Variants in ZNF420 observed in about 807,000 individuals in gnomAD.
ZNF420 encodes the protein zinc finger protein 420.
Under a neutral mutation model 44.7 loss-of-function variants are expected in ZNF420, and 31 were observed. The observed-to-expected ratio is 0.69, with a 90% CI of 0.52 to 0.94. The LOEUF (loss-of-function observed/expected upper bound fraction) is 0.94. Ranked by LOEUF, ZNF420 falls within the 40% of genes least tolerant of loss-of-function variation. ZNF420 has a pLI of 0.00. For missense variants in ZNF420, 681 were observed against 827.9 expected, an observed-to-expected ratio of 0.82 and a Z score of 2.18; for synonymous variants, 245 against 267.4, an observed-to-expected ratio of 0.92 and a Z score of 0.82.
intron 1 of ZNF420, among the ~76,000 whole-genome samples, chr19:37,060,010 C>T (rs991554060): frequency 6.6e-6 from 1 of 152,104 alleles, no homozygotes; most frequent in African/African-American, 2.4e-5. Flanking sequence ...CGTTGGCGAG[C>T]CTTTTTCTGC....
chr19:37,116,521 C>T (rs746631017), intron 4 of ZNF420, among the ~76,000 whole-genome samples: 2 of 152,178 alleles, frequency 1.3e-5, no homozygotes, highest in African/African-American at 2.4e-5. Flanking sequence ...CAGCTCCCAG[C>T]ATGAACGACG....
intron 4 of ZNF420, among the ~76,000 whole-genome samples, chr19:37,111,921 A>G (rs973171104): frequency 1.3e-5 from 2 of 152,166 alleles, no homozygotes; most frequent in Non-Finnish European, 2.9e-5. Flanking sequence ...TATGGCATTT[A>G]CGGCCCTTAA....
At chr19:37,051,042 G>C (rs1390146705) in intron 1 of ZNF420, among the ~76,000 whole-genome samples, 3 of 152,142 alleles carry the variant, frequency 2.0e-5, no homozygotes, top group Non-Finnish European at 2.9e-5. Flanking sequence ...TGCATATGTT[G>C]AACCAGCCTT....
intron 4 of ZNF420, among the ~76,000 whole-genome samples, chr19:37,105,895 T>G: frequency 6.6e-6 from 1 of 152,234 alleles, no homozygotes; most frequent in East Asian, 1.9e-4. Flanking sequence ...TCCTGAGACT[T>G]TGCTGAAGTT....
At position 37,061,111 on chromosome 19, in the gene ZNF420, C is replaced by G. The variant is rs372315516; in HGVS notation, c.-124-19234C>G. 7.9e-5 allele frequency among the ~76,000 whole-genome samples: 12 copies of G among 152,278 alleles called. No individual in the cohort carries two copies. The South Asian group carries it at 2.5e-3, about 32-fold the overall frequency. ...TGTGCCCCCCTTCCTCCGGAACATG[C>G]CTGGACACCATTGTTTGTTTCGCCA... On this transcript the variant is annotated intron_variant, in intron 1 of 4. Transcript: ENST00000587029.
In ZNF420 at chr19:37,122,657, C is replaced by T. The variant is rs1310258185; in HGVS notation, c.137-4471C>T. 6.6e-5 allele frequency among the ~76,000 whole-genome samples: 10 copies of T among 152,116 alleles called. No homozygotes were observed. In the South Asian group the frequency reaches 8.3e-4, roughly 13 times the overall value. On this transcript the variant is annotated intron_variant, in intron 4 of 4. Coordinates refer to ENST00000337995, the MANE Select transcript of ZNF420 (RefSeq NM_144689.5). ...ATTTTTCACATGGCTTCTGGGGTTCCGTGCTCTCTTAATTTTTCTCCTTCC... is the reference window on the plus strand; with the variant it reads ...ATTTTTCACATGGCTTCTGGGGTTCTGTGCTCTCTTAATTTTTCTCCTTCC...
At chr19:37,025,208 CT>C in intron 1 of ZNF420, 1 of 390,138 alleles carries the variant, frequency 2.6e-6, no homozygotes, top group Non-Finnish European at 4.3e-6. Context: ...TCCCCACACT[CT>C]TTACATTCAT....
intron 4 of ZNF420, among the ~76,000 whole-genome samples, chr19:37,115,322 C>T (rs1305514388): frequency 1.3e-5 from 2 of 152,094 alleles, no homozygotes; most frequent in African/African-American, 2.4e-5. Context: ...GGGACCGGCG[C>T]TCACCATACG....
intron 1 of ZNF420, among the ~76,000 whole-genome samples, chr19:37,062,669 G>T (rs3213840): frequency 2.0e-5 from 3 of 152,040 alleles, no homozygotes; most frequent in Non-Finnish European, 2.9e-5. Context: ...CTTTTGTTGA[G>T]ATTATTGTTA....
At chr19:37,075,986 T>A (rs141887325), upstream of ZNF420, among the ~76,000 whole-genome samples, 1 of 135,590 alleles carries the variant, frequency 7.4e-6, no homozygotes, top group Non-Finnish European at 1.6e-5. Context: ...TCCTGCAGTC[T>A]ACGTTTCTGA....
At chr19:37,094,580 C>G (rs1568453094) in intron 4 of ZNF420, among the ~76,000 whole-genome samples, 1 of 152,054 alleles carries the variant, frequency 6.6e-6, no homozygotes, top group Non-Finnish European at 1.5e-5. Context: ...TTGCATATTG[C>G]TTTGCAATAA....
In ZNF420 at chr19:37,089,134, T is replaced by G. The variant is rs1271385657; in HGVS notation, c.9+7T>G. The G allele has an allele frequency of 1.9e-6, 3 of 1,612,344 alleles. No homozygotes were observed. In the Admixed American group the frequency reaches 5.0e-5, roughly 27 times the overall value. On this transcript the variant is annotated splice_region_variant and intron_variant, in intron 3 of 4. Coordinates refer to ENST00000337995, the MANE Select transcript of ZNF420 (RefSeq NM_144689.5). ...TCTAAAAACCATGGCTCGGGTAAAT[T>G]GGAGTTTCCTTGTGCTCTTTTCACT...
At chr19:37,059,411 A>G (rs933235437) in intron 1 of ZNF420, among the ~76,000 whole-genome samples, 1 of 152,232 alleles carries the variant, frequency 6.6e-6, no homozygotes, top group African/African-American at 2.4e-5. Flanking sequence ...GTTGTCTTAG[A>G]AACCAGTCCC....
chr19:37,031,787 T>C (rs534083865), intron 1 of ZNF420, among the ~76,000 whole-genome samples: 1 of 152,296 alleles, frequency 6.6e-6, no homozygotes, highest in South Asian at 2.1e-4. Flanking sequence ...GCCTAAAGTC[T>C]GATTTTGCCC....
At chr19:37,104,156 G>A (rs1360734540) in intron 4 of ZNF420, among the ~76,000 whole-genome samples, 1 of 97,176 alleles carries the variant, frequency 1.0e-5, no homozygotes, top group Non-Finnish European at 1.9e-5. Context: ...CCCCACAACA[G>A]GCTCCATTGT....
rs552611851 is a variant in ZNF420, at chr19:37,035,362, T to A, written c.-125+27280T>A. 3.3e-5 allele frequency among the ~76,000 whole-genome samples: 5 copies of A among 152,252 alleles called. No homozygotes were observed. In the East Asian group the frequency reaches 7.7e-4, roughly 24 times the overall value. On this transcript the variant is annotated intron_variant, in intron 1 of 4. Coordinates refer to the ZNF420 transcript ENST00000587029. ...AATTTTAATATGCTCAAGTTTATAT[T>A]TTTTTTCCATTTTAAAAATTGAGAT...
At chr19:37,053,001 A>T (rs1227947166) in intron 1 of ZNF420, among the ~76,000 whole-genome samples, 1 of 152,210 alleles carries the variant, frequency 6.6e-6, no homozygotes, top group African/African-American at 2.4e-5. Flanking sequence ...AGGTACACCA[A>T]TAAGACGTAG....
At chr19:37,121,980 T>A (rs966432250) in intron 4 of ZNF420, among the ~76,000 whole-genome samples, 2 of 152,188 alleles carry the variant, frequency 1.3e-5, no homozygotes, top group African/African-American at 2.4e-5. Context: ...CTGGAGAGGA[T>A]GTGGAGAAAT....
chr19:37,029,134 C>A (rs574630540), intron 1 of ZNF420, among the ~76,000 whole-genome samples: 31 of 152,254 alleles, frequency 2.0e-4, no homozygotes, highest in African/African-American at 6.0e-4. Context: ...TCAGAAATAT[C>A]TTTAACTTGC....
Sources: allele counts gnomAD v4.1 joint callset (sites outside exome capture counted in the v4.1 genomes callset), GRCh38; gene constraint gnomAD v4.1.1; transcripts MANE v1.5; gene names NCBI Gene and HGNC (gene_info 2026-07-23, HGNC 2026-07-21).